MAGEB3: variants seen among roughly 807,000 people sequenced by gnomAD.
The protein encoded by MAGEB3 is melanoma-associated antigen B3.
For missense variants in MAGEB3, 191 were observed against 262.4 expected, an observed-to-expected ratio of 0.73 and a Z score of 1.88; for synonymous variants, 91 against 93.0, an observed-to-expected ratio of 0.98 and a Z score of 0.12.
chrX:30,232,778 A>C (rs1924847079), intron 2 of MAGEB3, 49 bp from the exon 3 acceptor site: 1 of 103,554 alleles, frequency 9.7e-6, no homozygotes. Flanking sequence ...ATCTCAAAAT[A>C]AGTAAATAAA....
Position 30,236,609 on chromosome X carries a change from A to C in MAGEB3, c.685A>C (p.Lys229Gln). ...GGAGAAGATCTGGGAATTCCTGAAT[A>C]AGATGAGAATATATGATGGGAAGAA... is the stretch of plus-strand genomic sequence containing the variant. ...TEEKIWEFLN[K>Q]MRIYDGKKHF... Residue 229 changes from lysine to glutamine, a missense_variant, in exon 5 of 5, where the codon AAG becomes CAG. Physicochemically the swap from Lys to Gln is moderately conservative, Grantham distance 53. Transcript: ENST00000361644. 8.3e-7 allele frequency: 1 copy of C among 1,211,374 alleles called. No individual in the cohort carries two copies.
chrX:30,236,290 G>A lies in MAGEB3; in HGVS notation c.366G>A (p.Leu122=), dbSNP rs752787599. 3.3e-6 allele frequency: 4 copies of A among 1,208,063 alleles called. No homozygotes were observed. Among genetic ancestry groups the A allele is most frequent in the Non-Finnish European group, 4.5e-6 (4 of 894,149 alleles). Residue 122 remains leucine, a synonymous_variant, in exon 5 of 5, where the codon CTG becomes CTA. Transcript: ENST00000361644. The part of the protein sequence containing the change: ...IMKTNMLVQF[L]MEMYKMKKPI... ...AGACAAATATGTTGGTGCAGTTCCT[G>A]ATGGAAATGTACAAGATGAAAAAGC...
At chrX:30,234,391 TC>T (rs1924917439) in intron 4 of MAGEB3, among the ~76,000 whole-genome samples, 2 of 111,040 alleles carry the variant, frequency 1.8e-5, no homozygotes, top group African/African-American at 6.6e-5. Context: ...AGGCTCTTCC[TC>T]ACTTCCTTGG....
At chrX:30,231,827 T>A (rs1924805103) in intron 2 of MAGEB3, among the ~76,000 whole-genome samples, 2 of 108,508 alleles carry the variant, frequency 1.8e-5, no homozygotes, top group African/African-American at 6.7e-5. Flanking sequence ...CATGGTCCGA[T>A]AACATGCCTA....
chrX:30,236,355 G>C lies in MAGEB3; in HGVS notation c.431G>C (p.Ser144Thr). 8.3e-7 allele frequency: 1 copy of C among 1,209,882 alleles called. No individual in the cohort carries two copies. Among genetic ancestry groups the C allele is most frequent in the Non-Finnish European group, 1.1e-6 (1 of 894,914 alleles). Residue 144 changes from serine to threonine, a missense_variant, in exon 5 of 5, where the codon AGC becomes ACC. Transcript: ENST00000361644. ...GATATGCTAAAAATTGTCCAAAAAA[G>C]CCATAAGAATTGCTTCCCTGAGATC... Reference protein sequence around the residue: ...KADMLKIVQKSHKNCFPEILK... With the variant: ...KADMLKIVQKTHKNCFPEILK...
At position 30,236,091 on chromosome X, in the gene MAGEB3, G is replaced by A; in HGVS notation, c.167G>A (p.Gly56Asp). ...LGATIQKKSA[G>D]RSRSALKKPQ... ...GCTACTATCCAGAAAAAGTCTGCTG[G>A]TAGGTCACGTAGTGCTCTCAAGAAG... The change falls in exon 5 of 5, where the codon GGT (glycine) becomes GAT (aspartate). Residue 56 changes from glycine (G) to aspartate (D), a missense_variant. Gly to Asp is a moderately conservative substitution (Grantham distance 94). Transcript: ENST00000361644. The A allele has an allele frequency of 8.3e-7, 1 of 1,209,863 alleles. No homozygotes were observed. The highest frequency in any genetic ancestry group is 1.1e-6 in the Non-Finnish European group (1 of 894,576).
At chrX:30,232,287 A>G (rs888464664) in intron 2 of MAGEB3, among the ~76,000 whole-genome samples, 3 of 111,682 alleles carry the variant, frequency 2.7e-5, no homozygotes, top group African/African-American at 9.8e-5. Context: ...GGGCAGCCTC[A>G]GTTCTTCAGA....
rs1321897664 is a variant in MAGEB3 at position 30,232,157 on chromosome X, C to A, written c.-254+539C>A. Among the ~76,000 whole-genome samples, 7 of 112,022 alleles carry A rather than the reference C, an allele frequency of 6.2e-5. No individual in the cohort carries two copies. In the East Asian group the frequency reaches 2.0e-3, roughly 31 times the overall value. On this transcript the variant is annotated intron_variant, in intron 2 of 4. Coordinates refer to ENST00000361644, the MANE Select transcript of MAGEB3 (RefSeq NM_002365.5). ...CCGGAGTAAAGGTAAGAACCCTCAG[C>A]GGGGACTGAAGGGACAATCCATGTT...
At chrX:30,232,264 G>A (rs1490325323) in intron 2 of MAGEB3, among the ~76,000 whole-genome samples, 4 of 111,583 alleles carry the variant, frequency 3.6e-5, no homozygotes, top group Admixed American at 1.9e-4. Flanking sequence ...GGAGGGGAAG[G>A]CTTTCTCTAA....
At position 30,235,968 on chromosome X, in the gene MAGEB3, G is replaced by A. The variant is rs370624672; in HGVS notation, c.44G>A (p.Arg15His). Residue 15 changes from arginine to histidine, a missense_variant, in exon 5 of 5, where the codon CGC becomes CAC. Arg to His is a conservative substitution (Grantham distance 29). Coordinates refer to ENST00000361644, the MANE Select transcript of MAGEB3 (RefSeq NM_002365.5). The stretch of plus-strand genomic sequence containing the variant: ...AGTACGCTCCATGCACGTGAGAAAC[G>A]CCAGCAGACCCGGGGTCAGACCCAG... ...QKSTLHAREK[R>H]QQTRGQTQDH... The A allele has an allele frequency of 3.9e-5, 47 of 1,208,025 alleles. No individual in the cohort carries two copies. Among genetic ancestry groups the A allele is most frequent in the South Asian group, 7.1e-5 (4 of 56,390 alleles).
In MAGEB3 at chrX:30,237,067, C is replaced by T; in HGVS notation, c.*102C>T. On this transcript the variant is annotated 3_prime_UTR_variant, in exon 5 of 5. Transcript: ENST00000361644. ...CTGGAGGGAACACACTGTATAATAC[C>T]TTTTGTTTCTGTTCTAAATGGATAA... 1.9e-6 allele frequency: 1 copy of T among 538,598 alleles called. No individual in the cohort carries two copies. The highest frequency in any genetic ancestry group is 2.9e-6 in the Non-Finnish European group (1 of 345,624). The allele number at this position is 538,598 out of a possible 1,213,427, so 44.4% of individuals were successfully genotyped here. A position where few individuals can be genotyped will look rare whatever the true frequency, so the allele number is the denominator to read the frequency against.
chrX:30,236,895 T>G lies in MAGEB3; in HGVS notation c.971T>G (p.Leu324Arg), dbSNP rs760828097. The change falls in exon 5 of 5, where the codon CTC becomes CGC. Residue 324 changes from leucine to arginine, a missense_variant. Leu to Arg is a moderately radical substitution (Grantham distance 102, BLOSUM62 -2). Transcript: ENST00000361644. ...GAAAGAGTCCAAGCTGCAGCTATGC[T>G]CAATGATGGCAGTAGTGCCATGGGC... The part of the protein sequence containing the change: ...EEERVQAAAM[L>R]NDGSSAMGRK... The G allele has an allele frequency of 6.5e-5, 79 of 1,209,818 alleles. No homozygotes were observed. The highest frequency in any genetic ancestry group is 8.7e-5 in the Non-Finnish European group (78 of 894,998).
chrX:30,236,776 C>A lies in MAGEB3; in HGVS notation c.852C>A (p.Ser284Arg). Residue 284 changes from serine to arginine, a missense_variant, in exon 5 of 5, where the codon AGC (serine) becomes AGA (arginine). Ser to Arg is a moderately radical substitution (Grantham distance 110). Transcript: ENST00000361644. ...LWGPRAHAET[S>R]KMKVLEFWAK... ...GTCCAAGAGCCCATGCTGAAACCAG[C>A]AAGATGAAGGTCCTGGAGTTTTGGG... 8.3e-7 allele frequency: 1 copy of A among 1,212,056 alleles called. No homozygotes were observed. The highest frequency in any genetic ancestry group is 1.1e-6 in the Non-Finnish European group (1 of 895,595).
intron 2 of MAGEB3, among the ~76,000 whole-genome samples, chrX:30,232,069 T>C (rs138620085): frequency 0.019 from 2,095 of 112,131 alleles, 43 homozygotes; most frequent in African/African-American, 0.065. Flanking sequence ...AGTGAGGCAG[T>C]TGGCCTGACG....
chrX:30,236,085 C>T lies in MAGEB3; in HGVS notation c.161C>T (p.Ser54Phe). Residue 54 changes from serine (S) to phenylalanine (F), a missense_variant, in exon 5 of 5, where the codon TCT becomes TTT. Coordinates refer to ENST00000361644, the MANE Select transcript of MAGEB3 (RefSeq NM_002365.5). ...TTGGGGGCTACTATCCAGAAAAAGTCTGCTGGTAGGTCACGTAGTGCTCTC... is the reference window on the plus strand; with the variant it reads ...TTGGGGGCTACTATCCAGAAAAAGTTTGCTGGTAGGTCACGTAGTGCTCTC... ...LILGATIQKK[S>F]AGRSRSALKK... 2 of 1,210,948 alleles carry T rather than the reference C, an allele frequency of 1.7e-6. No homozygotes were observed.
chrX:30,236,238 A>G lies in MAGEB3; in HGVS notation c.314A>G (p.Gln105Arg). 1 of 1,206,931 alleles carries G rather than the reference A, an allele frequency of 8.3e-7. No homozygotes were observed. ...TCTCAGGGTCTATCCTCCACTGTGCAGTCTCGCACAGACCCTCTAATCATG... is the reference window on the plus strand; with the variant it reads ...TCTCAGGGTCTATCCTCCACTGTGCGGTCTCGCACAGACCCTCTAATCATG... The part of the protein sequence containing the change: ...SFSQGLSSTV[Q>R]SRTDPLIMKT... Residue 105 changes from glutamine to arginine, a missense_variant, in exon 5 of 5, where the codon CAG becomes CGG. Coordinates refer to ENST00000361644, the MANE Select transcript of MAGEB3 (RefSeq NM_002365.5).
chrX:30,230,702 C>A lies in MAGEB3; in HGVS notation c.-471C>A, dbSNP rs1924753774. 9.0e-6 allele frequency: 1 copy of A among 110,739 alleles called. No homozygotes were observed. Among genetic ancestry groups the A allele is most frequent in the Non-Finnish European group, 1.9e-5 (1 of 52,951 alleles). The allele number at this position is 110,739 out of a possible 1,213,427, so 9.1% of individuals were successfully genotyped here. A position where few individuals can be genotyped will look rare whatever the true frequency, so the allele number is the denominator to read the frequency against. On this transcript the variant is annotated 5_prime_UTR_variant, in exon 1 of 5. Coordinates refer to ENST00000361644, the MANE Select transcript of MAGEB3 (RefSeq NM_002365.5). ...CCTCACAGGACCCAAACATCCCTGG[C>A]CTAATGTGGCTCATCAAAACTTCAG...
intron 2 of MAGEB3, among the ~76,000 whole-genome samples, chrX:30,231,821 G>C (rs1924804706): frequency 9.2e-6 from 1 of 108,689 alleles, no homozygotes; most frequent in Non-Finnish European, 1.9e-5. Flanking sequence ...CCAGGACATG[G>C]TCCGATAACA....
intron 4 of MAGEB3, among the ~76,000 whole-genome samples, chrX:30,235,370 C>T (rs956816677): frequency 9.0e-6 from 1 of 111,240 alleles, no homozygotes; most frequent in Non-Finnish European, 1.9e-5. Context: ...GGTGTCAGGA[C>T]TCCAATAAGC....
Sources: allele counts gnomAD v4.1 joint callset (sites outside exome capture counted in the v4.1 genomes callset), GRCh38; gene constraint gnomAD v4.1.1; transcripts MANE v1.5; gene names NCBI Gene and HGNC (gene_info 2026-07-23, HGNC 2026-07-21).